Variants in CABYR observed in about 807,000 individuals in gnomAD.
CABYR encodes the protein calcium-binding tyrosine phosphorylation-regulated protein.
Under a neutral mutation model 36.1 loss-of-function variants are expected in CABYR, and 31 were observed. The ratio of observed to expected loss-of-function variants is 0.86; its 90% CI spans 0.64 to 1.16. The LOEUF is 1.16. Ranked by LOEUF, CABYR falls within the 50% of genes most tolerant of loss-of-function variation. The pLI is 0.00. For synonymous variants in CABYR, 146 were observed against 160.7 expected (o/e 0.91, Z 0.69); for missense variants, 429 against 455.8 (o/e 0.94, Z 0.53).
chr18:24,139,410 C>G (rs929928268), intron 1 of CABYR: 2 of 152,280 alleles, frequency 1.3e-5, no homozygotes, highest in African/African-American at 4.8e-5. Flanking sequence ...ACAGACCTAG[C>G]GCAAAACGAG....
At chr18:24,156,473 T>G (rs185230660) in intron 4 of CABYR, 1 of 1,614,200 alleles carries the variant, frequency 6.2e-7, no homozygotes, top group Non-Finnish European at 8.5e-7. Flanking sequence ...CTGATCAAGT[T>G]GCTTGTCTTA....
chr18:24,150,676 T>A (rs1031609976), intron 3 of CABYR: 30 of 559,792 alleles, frequency 5.4e-5, no homozygotes, highest in Non-Finnish European at 6.6e-5. Context: ...TTGGAATCTT[T>A]TGTTTTAAAT....
chr18:24,157,062 C>A, intron 4 of CABYR: 2 of 1,269,758 alleles, frequency 1.6e-6, no homozygotes, highest in Non-Finnish European at 2.2e-6. Context: ...TTTCAGGTAG[C>A]CATCTCTGTC....
chr18:24,156,817 A>C, intron 4 of CABYR: 1 of 1,613,854 alleles, frequency 6.2e-7, no homozygotes, highest in Non-Finnish European at 8.5e-7. Flanking sequence ...TCTGGGGAAA[A>C]CTCTGTACCC....
intron 4 of CABYR, among the ~76,000 whole-genome samples, chr18:24,157,624 A>C (rs2085825745): frequency 6.6e-6 from 1 of 152,188 alleles, no homozygotes; most frequent in Admixed American, 6.5e-5. Context: ...ACGGCCCGGC[A>C]CTTGCGGCAC....
intron 3 of CABYR, among the ~76,000 whole-genome samples, chr18:24,154,934 G>A (rs1320236351): frequency 2.6e-5 from 4 of 152,076 alleles, no homozygotes; most frequent in Admixed American, 2.0e-4. Context: ...GTCTGACTTT[G>A]GCTGCATGAT....
chr18:24,160,994 A>G (rs1157962745), intron 5 of CABYR: 1 of 152,660 alleles, frequency 6.6e-6, no homozygotes, highest in Non-Finnish European at 1.5e-5. Flanking sequence ...TGAAAAGTTC[A>G]ATGGGAAGCC....
At chr18:24,146,658 A>T (rs1410098956) in intron 3 of CABYR, among the ~76,000 whole-genome samples, 1 of 152,234 alleles carries the variant, frequency 6.6e-6, no homozygotes, top group African/African-American at 2.4e-5. Context: ...CAGGTTCAAG[A>T]AGTCTAATGA....
chr18:24,143,609 A>G (rs2085384194), intron 3 of CABYR, among the ~76,000 whole-genome samples, 196 bp downstream of exon 3: 1 of 148,246 alleles, frequency 6.7e-6, no homozygotes, highest in Non-Finnish European at 1.5e-5. Flanking sequence ...CGGCGCCGTC[A>G]TAGCTCACTG....
intron 3 of CABYR, among the ~76,000 whole-genome samples, chr18:24,151,968 G>C (rs537785243): frequency 6.6e-6 from 1 of 152,128 alleles, no homozygotes; most frequent in African/African-American, 2.4e-5. Flanking sequence ...GGGATTATAC[G>C]CATGAGCCAT....
chr18:24,148,488 G>A (rs1013062285), intron 3 of CABYR: 1 of 152,732 alleles, frequency 6.5e-6, no homozygotes, highest in African/African-American at 2.4e-5. Context: ...GGAGAGATGA[G>A]GTTTGGTAAA....
At chr18:24,157,997 CAG>C (rs1891872818) in intron 4 of CABYR, among the ~76,000 whole-genome samples, 1 of 152,152 alleles carries the variant, frequency 6.6e-6, no homozygotes, top group Non-Finnish European at 1.5e-5. Context: ...GGCAGTGTGA[CAG>C]GGATTCTGCA....
intron 3 of CABYR, among the ~76,000 whole-genome samples, chr18:24,149,710 G>A (rs1426479620): frequency 6.6e-6 from 1 of 152,270 alleles, no homozygotes; most frequent in African/African-American, 2.4e-5. Context: ...CAGGAAGGCA[G>A]CTAAGGCCCG....
At chr18:24,159,185 C>T (rs945850111) in intron 4 of CABYR, among the ~76,000 whole-genome samples, 2 of 152,184 alleles carry the variant, frequency 1.3e-5, no homozygotes, top group Non-Finnish European at 2.9e-5. Context: ...ATAGAAGCCA[C>T]GTCTAAAGTT....
chr18:24,153,941 A>AAAAATAC (rs1403389963), intron 3 of CABYR, among the ~76,000 whole-genome samples: 2 of 151,740 alleles, frequency 1.3e-5, no homozygotes, highest in East Asian at 1.9e-4. Flanking sequence ...TGTCTCTACT[A>AAAAATAC]AAAATACAAA....
rs1599404150 is a variant in CABYR, at chr18:24,160,283, A to G, written c.1139+214A>G. The stretch of plus-strand genomic sequence containing the variant: ...GCACTGTACCACAATGACTCATGCC[A>G]AGGATTTGATGCCCGATACATGAAA... On this transcript the variant is annotated intron_variant, in intron 5 of 5. Coordinates refer to ENST00000399496, the MANE Select transcript of CABYR (RefSeq NM_153769.3). 7.5e-6 allele frequency: 4 copies of G among 536,090 alleles called. No individual in the cohort carries two copies. The East Asian group carries it at 1.2e-4, about 17-fold the overall frequency. The allele number at this position is 536,090 out of a possible 1,614,324, so 33.2% of individuals were successfully genotyped here.
chr18:24,148,885 T>G (rs2085527538), intron 3 of CABYR, among the ~76,000 whole-genome samples: 1 of 152,028 alleles, frequency 6.6e-6, no homozygotes, highest in African/African-American at 2.4e-5. Context: ...GTGGCAAAAT[T>G]TATTGCAAAG....
At position 24,156,033 on chromosome 18, in the gene CABYR, C is replaced by G. The variant is rs1324648758; in HGVS notation, c.532C>G (p.Gln178Glu). The G allele has an allele frequency of 2.5e-6, 4 of 1,614,216 alleles. No individual in the cohort carries two copies. Among genetic ancestry groups the G allele is most frequent in the South Asian group, 1.1e-5 (1 of 91,076 alleles). The change falls in exon 4 of 6, where the codon CAG becomes GAG. Residue 178 changes from glutamine (Q) to glutamate (E), a missense_variant. By Grantham distance (29) the Gln-to-Glu change is conservative. Coordinates refer to ENST00000399496, the MANE Select transcript of CABYR (RefSeq NM_153769.3). ...AGCTGACCCAGCTCAGCTTGCTGCTCAGATGTTAGGTAAAGTTTCATCTAT... is the reference window on the plus strand; with the variant it reads ...AGCTGACCCAGCTCAGCTTGCTGCTGAGATGTTAGGTAAAGTTTCATCTAT... ...VPADPAQLAA[Q>E]MLAMATSERG... is the part of the protein sequence containing the mutation.
intron 5 of CABYR, 136 bp from the exon 6 acceptor site, chr18:24,161,380 A>C (rs958778828): frequency 1.7e-6 from 1 of 580,232 alleles, no homozygotes; most frequent in Non-Finnish European, 3.2e-6. Flanking sequence ...TTTCAGTGCA[A>C]AAGCCCATAG....
Sources: allele counts gnomAD v4.1 joint callset (sites outside exome capture counted in the v4.1 genomes callset), GRCh38; gene constraint gnomAD v4.1.1; transcripts MANE v1.5; gene names NCBI Gene and HGNC (gene_info 2026-07-23, HGNC 2026-07-21).